DAB1: variants seen among roughly 807,000 people sequenced by gnomAD.
DAB1 encodes the protein DAB adaptor protein 1, also known as disabled homolog 1.
DAB1 carries 15 observed loss-of-function variants against 64.6 expected under a neutral mutation model. The ratio of observed to expected loss-of-function variants is 0.23; its 90% CI spans 0.16 to 0.36. The LOEUF (loss-of-function observed/expected upper bound fraction) is 0.36. DAB1 is among the 10% of genes least tolerant of loss of function. The pLI, the probability that DAB1 is intolerant of heterozygous loss-of-function variation, is 1.00. For synonymous variants in DAB1, 235 were observed against 251.9 expected, an observed-to-expected ratio of 0.93 and a Z score of 0.64; for missense variants, 596 against 706.7, an observed-to-expected ratio of 0.84 and a Z score of 1.78.
chr1:57,011,058 G>C (rs1646251792), intron 13 of DAB1, 87 bp downstream of exon 13: 2 of 1,531,972 alleles, frequency 1.3e-6, no homozygotes, highest in African/African-American at 1.4e-5. Context: ...TCTTTTCTAT[G>C]TAGGCTTCCT....
At chr1:57,223,591 C>T (rs942622377) in intron 2 of DAB1, among the ~76,000 whole-genome samples, 8 of 152,132 alleles carry the variant, frequency 5.3e-5, no homozygotes, top group Non-Finnish European at 1.2e-4. Context: ...GGATGGAAGC[C>T]ACGCCCAAAC....
Position 57,381,292 on chromosome 1 carries a change from A to G in DAB1, c.-137+42638T>C, listed in dbSNP as rs375775643. 3.3e-5 allele frequency among the ~76,000 whole-genome samples: 5 copies of G among 152,328 alleles called. No homozygotes were observed. The South Asian group carries it at 1.0e-3, about 32-fold the overall frequency. On this transcript the variant is annotated intron_variant, in intron 1 of 14. Transcript: ENST00000371236. Reference sequence around the variant, plus strand: ...GAACAAATGGATATGGTACCTGTCAAATGAGAGAGAAACAGAAATGCAGGG... The same window carrying G: ...GAACAAATGGATATGGTACCTGTCAGATGAGAGAGAAACAGAAATGCAGGG...
At chr1:57,062,799 G>T in intron 9 of DAB1, 85 bp downstream of exon 9, 2 of 1,135,774 alleles carry the variant, frequency 1.8e-6, no homozygotes, top group Non-Finnish European at 2.6e-6. Context: ...CATTCCAGGA[G>T]AAGGGTTTCC....
intron 7 of DAB1, chr1:57,606,064 A>T: frequency 1.8e-6 from 1 of 571,386 alleles, no homozygotes; most frequent in East Asian, 3.5e-5. Flanking sequence ...TTTCCCTTTG[A>T]TATTCTTTTC....
intron 7 of DAB1, among the ~76,000 whole-genome samples, chr1:57,645,271 G>A (rs758239094): frequency 5.3e-4 from 80 of 152,178 alleles, no homozygotes; most frequent in Non-Finnish European, 1.9e-4. Context: ...ATCCAGGAAG[G>A]AATATTGTAG....
intron 1 of DAB1, chr1:58,546,514 C>T (rs1376108612): frequency 6.6e-6 from 1 of 150,962 alleles, no homozygotes. Flanking sequence ...CGCCCCTCCC[C>T]TCCACGCAGC....
chr1:58,458,974 T>G (rs1029669794), intron 3 of DAB1, among the ~76,000 whole-genome samples: 1 of 152,048 alleles, frequency 6.6e-6, no homozygotes, highest in Admixed American at 6.6e-5. Context: ...AGATGAGTGG[T>G]GAGATAATAT....
chr1:58,457,104 T>C (rs1327195157), intron 3 of DAB1, among the ~76,000 whole-genome samples: 2 of 152,114 alleles, frequency 1.3e-5, no homozygotes, highest in East Asian at 3.8e-4. Flanking sequence ...CCCTGTTCCA[T>C]CTCCTCTCAT....
intron 1 of DAB1, chr1:57,878,908 G>A (rs557877065): frequency 2.0e-5 from 3 of 152,070 alleles, no homozygotes; most frequent in East Asian, 1.9e-4. Flanking sequence ...CCCCACATAC[G>A]AGTAAGAACA....
chr1:57,606,502 T>C (rs1645641432), intron 7 of DAB1, among the ~76,000 whole-genome samples: 1 of 98,772 alleles, frequency 1.0e-5, no homozygotes, highest in Admixed American at 1.3e-4. Context: ...AAATATATAA[T>C]ATATAATATA....
Position 57,142,913 on chromosome 1 carries a change from G to GATTTGTTA in DAB1, c.207+2369_207+2376dup, listed in dbSNP as rs1156753598. Among the ~76,000 whole-genome samples, 6 of 152,182 alleles carry GATTTGTTA rather than the reference G, an allele frequency of 3.9e-5. No individual in the cohort carries two copies. The East Asian group carries it at 1.2e-3, about 29-fold the overall frequency. On this transcript the variant is annotated intron_variant, in intron 3 of 14. Coordinates refer to ENST00000371236, the MANE Select transcript of DAB1 (RefSeq NM_001365792.1). ...CATTTTCTTCATGCCTTTTAATTAA[G>GATTTGTTA]ATTTGTTAGAGCAAATCTCCACTTG...
At chr1:57,287,034 T>C (rs1672370764) in intron 2 of DAB1, among the ~76,000 whole-genome samples, 1 of 152,208 alleles carries the variant, frequency 6.6e-6, no homozygotes, top group African/African-American at 2.4e-5. Context: ...AAACACTTCC[T>C]AGAAAATAAT....
At chr1:57,627,443 C>T (rs916754889) in intron 7 of DAB1, among the ~76,000 whole-genome samples, 2 of 152,170 alleles carry the variant, frequency 1.3e-5, no homozygotes, top group Non-Finnish European at 2.9e-5. Context: ...TAGATAGCTA[C>T]CATTGCTGGA....
chr1:57,317,123 C>T (rs951693741), intron 1 of DAB1, among the ~76,000 whole-genome samples: 1 of 152,110 alleles, frequency 6.6e-6, no homozygotes, highest in Non-Finnish European at 1.5e-5. Context: ...ATCAGGAGGC[C>T]ACATGACAGG....
intron 3 of DAB1, among the ~76,000 whole-genome samples, chr1:58,433,605 GTGTGTGTGTGTGTGTT>G (rs1644908651): frequency 6.7e-6 from 1 of 149,576 alleles, no homozygotes; most frequent in Admixed American, 6.7e-5. Context: ...GAGTGTGTGT[GTGTGTGTGTGTGTGTT>G]TGTGTGTGTG....
intron 6 of DAB1, among the ~76,000 whole-genome samples, chr1:57,777,818 C>T (rs1312211339): frequency 6.6e-6 from 1 of 151,980 alleles, no homozygotes; most frequent in Non-Finnish European, 1.5e-5. Flanking sequence ...CTTCACATGT[C>T]CCGTCATTTT....
At position 57,553,442 on chromosome 1, in the gene DAB1, G is replaced by GAAAAAGAAAGAAAGAAAGAAAGAAAGAA. The variant is rs59263518; in HGVS notation, n.625+96149_625+96150insTTCTTTCTTTCTTTCTTTCTTTCTTTTT. Among the ~76,000 whole-genome samples, 23 of 68,192 alleles carry GAAAAAGAAAGAAAGAAAGAAAGAAAGAA rather than the reference G, an allele frequency of 3.4e-4. 1 individual carries two copies. Among genetic ancestry groups the GAAAAAGAAAGAAAGAAAGAAAGAAAGAA allele is most frequent in the South Asian group, 8.1e-4 (1 of 1,228 alleles). The allele number at this position is 68,192 out of a possible 152,430, so 44.7% of individuals were successfully genotyped here. A position where few individuals can be genotyped will look rare whatever the true frequency, so the allele number is the denominator to read the frequency against. On this transcript the variant is annotated intron_variant and non_coding_transcript_variant, in intron 7 of 20. Transcript: ENST00000485760. ...AGAAAGAAAGAAAGAAAGAAAGAAAGAGAAAGAAAGAAAGAAAGAGAAAGG... is the reference window on the plus strand; with the variant it reads ...AGAAAGAAAGAAAGAAAGAAAGAAAGAAAAAGAAAGAAAGAAAGAAAGAAAGAAAGAAAGAAAGAAAGAAAGAGAAAGG...
chr1:57,477,611 G>A (rs1473396939), intron 7 of DAB1, among the ~76,000 whole-genome samples: 1 of 152,124 alleles, frequency 6.6e-6, no homozygotes. Context: ...TGATAAGAAA[G>A]TCAGGGCTCT....
At chr1:57,370,637 C>A (rs987736187) in intron 1 of DAB1, among the ~76,000 whole-genome samples, 10 of 151,680 alleles carry the variant, frequency 6.6e-5, no homozygotes, top group Non-Finnish European at 1.0e-4. Context: ...AACGTGTAAC[C>A]CTGGAGTGAT....
Sources: gnomAD v4.1 joint callset for allele counts (sites outside exome capture counted in the v4.1 genomes callset) on GRCh38, gnomAD v4.1.1 for gene constraint, MANE v1.5 for transcripts, NCBI Gene and HGNC (gene_info 2026-07-23, HGNC 2026-07-21) for gene names.